The following LRRTM4 variants were observed in gnomAD, a reference collection of about 807,000 sequenced individuals.
LRRTM4 encodes leucine-rich repeat transmembrane neuronal protein 4.
Under a neutral mutation model 47.6 loss-of-function variants are expected in LRRTM4, and 25 were observed. The ratio of observed to expected loss-of-function variants is 0.53; its 90% CI spans 0.38 to 0.73. The LOEUF is 0.73. Ranked by LOEUF, LRRTM4 falls within the 30% of genes least tolerant of loss-of-function variation. The probability of loss-of-function intolerance (pLI) is 0.00; values close to 1 mark genes in which losing one functional copy is unlikely to be tolerated. For missense variants in LRRTM4, 638 were observed against 713.4 expected, an observed-to-expected ratio of 0.89 and a Z score of 1.20; for synonymous variants, 311 against 269.5, an observed-to-expected ratio of 1.15 and a Z score of -1.51.
intron 3 of LRRTM4, among the ~76,000 whole-genome samples, chr2:76,848,841 T>C (rs1298251234): frequency 1.3e-5 from 2 of 152,158 alleles, no homozygotes; most frequent in Non-Finnish European, 2.9e-5. Context: ...TACATGTTAA[T>C]AGATGCTTTT....
At chr2:77,510,609 T>C (rs928308230) in intron 3 of LRRTM4, among the ~76,000 whole-genome samples, 1 of 152,104 alleles carries the variant, frequency 6.6e-6, no homozygotes, top group African/African-American at 2.4e-5. Flanking sequence ...TATGTAATTT[T>C]GCTTTAAGTT....
At chr2:76,973,674 GA>G in intron 3 of LRRTM4, among the ~76,000 whole-genome samples, 1 of 151,912 alleles carries the variant, frequency 6.6e-6, no homozygotes, top group African/African-American at 2.4e-5. Flanking sequence ...TAATACAGGC[GA>G]ATAACCCATT....
At chr2:76,979,950 T>C (rs1388637183) in intron 3 of LRRTM4, among the ~76,000 whole-genome samples, 3 of 151,974 alleles carry the variant, frequency 2.0e-5, no homozygotes, top group Non-Finnish European at 4.4e-5. Context: ...TGCATCCAAA[T>C]GGTTAACTTC....
chr2:76,912,048 G>C lies in LRRTM4; in HGVS notation c.1552-163132C>G, dbSNP rs183172167. On this transcript the variant is annotated intron_variant, in intron 3 of 3. Transcript: ENST00000409884. The stretch of plus-strand genomic sequence containing the variant: ...GGTTCACGCCATTCTCCTGCCCCGA[G>C]TAGCTGCAACTATAGGCGCCCGCCA... Among the ~76,000 whole-genome samples the C allele has an allele frequency of 2.5e-3, 378 of 151,252 alleles. 8 individuals carry two copies. The highest frequency in any genetic ancestry group is 8.8e-3 in the African/African-American group (364 of 41,264).
chr2:76,955,377 T>C (rs546016398), intron 3 of LRRTM4, among the ~76,000 whole-genome samples: 1 of 151,948 alleles, frequency 6.6e-6, no homozygotes, highest in East Asian at 2.0e-4. Flanking sequence ...TGATTCAAGT[T>C]AAGTTGTTAC....
chr2:77,024,495 TAAA>T (rs35116332), intron 3 of LRRTM4, among the ~76,000 whole-genome samples: 1 of 130,160 alleles, frequency 7.7e-6, no homozygotes. Flanking sequence ...GGTCTAGAAT[TAAA>T]AAAAAAAAAA....
intron 3 of LRRTM4, among the ~76,000 whole-genome samples, chr2:77,291,893 T>C (rs1475861483): frequency 6.6e-6 from 1 of 151,834 alleles, no homozygotes; most frequent in Non-Finnish European, 1.5e-5. Flanking sequence ...GAAACTACCA[T>C]CAGAGTGAAC....
chr2:77,344,033 G>A (rs1010734237), intron 3 of LRRTM4, among the ~76,000 whole-genome samples: 1 of 151,712 alleles, frequency 6.6e-6, no homozygotes, highest in Non-Finnish European at 1.5e-5. Context: ...AAAATAAATA[G>A]ATCAATATTA....
intron 3 of LRRTM4, among the ~76,000 whole-genome samples, chr2:77,151,797 G>C (rs1397196188): frequency 3.9e-5 from 6 of 152,100 alleles, no homozygotes; most frequent in Non-Finnish European, 2.9e-5. Flanking sequence ...TGTTGTTGTT[G>C]TTGTTGTTGT....
intron 3 of LRRTM4, among the ~76,000 whole-genome samples, chr2:77,483,379 A>G (rs911604203): frequency 6.6e-6 from 1 of 152,010 alleles, no homozygotes. Flanking sequence ...CTCTCTCTGT[A>G]GCCCATGCTG....
chr2:76,801,525 G>A (rs879246066), intron 3 of LRRTM4, among the ~76,000 whole-genome samples: 1 of 152,074 alleles, frequency 6.6e-6, no homozygotes, highest in Non-Finnish European at 1.5e-5. Flanking sequence ...GGTGTGGGGG[G>A]AGGGGGAAGG....
Position 77,125,633 on chromosome 2 carries a change from TCTC to T in LRRTM4, c.1552-376720_1552-376718del, listed in dbSNP as rs142565648. ...CGTTGTTATCTAATTGTGCTTTTTG[TCTC>T]CACAATTAAAACCAAAGTGCATGCA... On this transcript the variant is annotated intron_variant, in intron 3 of 3. Transcript: ENST00000409884. 3.2e-3 allele frequency among the ~76,000 whole-genome samples: 480 copies of T among 152,290 alleles called. 4 individuals carry two copies. Among genetic ancestry groups the T allele is most frequent in the Non-Finnish European group, 5.3e-3 (358 of 68,016 alleles).
At chr2:77,002,893 A>AT (rs1343999592) in intron 3 of LRRTM4, among the ~76,000 whole-genome samples, 1 of 152,144 alleles carries the variant, frequency 6.6e-6, no homozygotes, top group Non-Finnish European at 1.5e-5. Context: ...GGAGTACTTA[A>AT]TAATATTTTA....
intron 3 of LRRTM4, among the ~76,000 whole-genome samples, chr2:77,035,021 C>T (rs1022991981): frequency 6.6e-6 from 1 of 151,482 alleles, no homozygotes; most frequent in African/African-American, 2.4e-5. Context: ...ATTAACTAGG[C>T]TTTTAAAAAA....
intron 3 of LRRTM4, among the ~76,000 whole-genome samples, chr2:76,796,699 C>T (rs912730348): frequency 3.0e-5 from 4 of 133,364 alleles, no homozygotes; most frequent in Middle Eastern, 3.6e-3. Flanking sequence ...ATAAAAACCA[C>T]AAAGACAGGG....
intron 3 of LRRTM4, among the ~76,000 whole-genome samples, chr2:76,811,036 T>C (rs899260047): frequency 1.3e-5 from 2 of 152,150 alleles, no homozygotes; most frequent in Non-Finnish European, 1.5e-5. Context: ...AATTGAAATA[T>C]AGAAAGGAAA....
In LRRTM4 at chr2:76,809,105, TA is replaced by T. The variant is rs998339805; in HGVS notation, c.1552-60190del. 1.2e-3 allele frequency among the ~76,000 whole-genome samples: 176 copies of T among 151,434 alleles called. 2 individuals are homozygous for T. The highest frequency in any genetic ancestry group is 6.2e-3 in the East Asian group (32 of 5,158). ...TGATTCAATACACATGTTTATAGTA[TA>T]AAAAAAAATTTAGAAAATAGACAAG... On this transcript the variant is annotated intron_variant, in intron 3 of 3. Coordinates refer to ENST00000409884, the MANE Select transcript of LRRTM4 (RefSeq NM_001134745.3).
At chr2:77,129,115 A>G (rs1184639217) in intron 3 of LRRTM4, among the ~76,000 whole-genome samples, 1 of 152,136 alleles carries the variant, frequency 6.6e-6, no homozygotes, top group Non-Finnish European at 1.5e-5. Flanking sequence ...CAAAGCTTCC[A>G]GGCAAATCTT....
chr2:77,383,779 T>C (rs189718880), intron 3 of LRRTM4, among the ~76,000 whole-genome samples: 19 of 152,188 alleles, frequency 1.2e-4, no homozygotes, highest in Admixed American at 5.2e-4. Flanking sequence ...GCCCAAACTT[T>C]CTGATTCTGG....
Sources: allele counts gnomAD v4.1 joint callset (sites outside exome capture counted in the v4.1 genomes callset), GRCh38; gene constraint gnomAD v4.1.1; transcripts MANE v1.5; gene names NCBI Gene and HGNC (gene_info 2026-07-23, HGNC 2026-07-21).